RNLS: variants seen among roughly 807,000 people sequenced by gnomAD.
RNLS encodes renalase.
Under a neutral mutation model 39.8 loss-of-function variants are expected in RNLS, and 39 were observed. The observed-to-expected ratio is 0.98, with a 90% CI of 0.76 to 1.28. The LOEUF is 1.28. Ranked by LOEUF, RNLS falls within the 50% of genes most tolerant of loss-of-function variation. The pLI is 0.00. For synonymous variants in RNLS, 147 were observed against 150.7 expected, an observed-to-expected ratio of 0.98 and a Z score of 0.18; for missense variants, 410 against 413.3, an observed-to-expected ratio of 0.99 and a Z score of 0.07.
chr10:88,418,449 T>C (rs1854174303), intron 4 of RNLS, among the ~76,000 whole-genome samples: 1 of 152,202 alleles, frequency 6.6e-6, no homozygotes. Context: ...AAAGATGCAT[T>C]GTTAATCCAT....
chr10:88,498,859 T>A (rs964053056), intron 4 of RNLS, among the ~76,000 whole-genome samples: 1 of 152,106 alleles, frequency 6.6e-6, no homozygotes, highest in Non-Finnish European at 1.5e-5. Flanking sequence ...TCTTTGTAAA[T>A]CTTTTTCGAA....
Position 88,314,653 on chromosome 10 carries a change from G to A in RNLS, c.701-12C>T, listed in dbSNP as rs755039465. 3 of 1,609,130 alleles carry A rather than the reference G, an allele frequency of 1.9e-6. No homozygotes were observed. The highest frequency in any genetic ancestry group is 2.5e-6 in the Non-Finnish European group (3 of 1,177,118). On this transcript the variant is annotated splice_polypyrimidine_tract_variant and intron_variant, in intron 5 of 6. Coordinates refer to ENST00000331772, the MANE Select transcript of RNLS (RefSeq NM_001031709.3). Reference sequence around the variant, plus strand: ...AATTTCTGATGACTCTGTGGCATAAGAGGATCATAAAGATGCATCTTAAAG... The same window carrying A: ...AATTTCTGATGACTCTGTGGCATAAAAGGATCATAAAGATGCATCTTAAAG...
intron 4 of RNLS, among the ~76,000 whole-genome samples, chr10:88,522,351 A>G (rs1846805823): frequency 1.3e-5 from 2 of 152,110 alleles, no homozygotes; most frequent in African/African-American, 4.8e-5. Context: ...AATGACAATA[A>G]TATTGTAGGA....
chr10:88,360,936 A>G (rs1175998961), intron 5 of RNLS, among the ~76,000 whole-genome samples: 7 of 152,212 alleles, frequency 4.6e-5, no homozygotes, highest in Admixed American at 6.5e-5. Context: ...TAGATAATGT[A>G]TTAGTCAACT....
At chr10:88,424,912 C>T (rs1305092803) in intron 4 of RNLS, among the ~76,000 whole-genome samples, 1 of 152,042 alleles carries the variant, frequency 6.6e-6, no homozygotes, top group Non-Finnish European at 1.5e-5. Context: ...CTTTTTTCTT[C>T]ATCTACATTT....
the RNLS span, among the ~76,000 whole-genome samples, chr10:88,220,749 A>G: frequency 6.6e-6 from 1 of 152,164 alleles, no homozygotes; most frequent in Non-Finnish European, 1.5e-5. Flanking sequence ...ATGTTTATTC[A>G]TGACTGGACC....
chr10:88,321,230 C>G (rs1416423948), intron 5 of RNLS, among the ~76,000 whole-genome samples: 3 of 151,948 alleles, frequency 2.0e-5, no homozygotes, highest in Admixed American at 2.0e-4. Flanking sequence ...AATTAAAGCA[C>G]AAATCAAAAT....
intron 4 of RNLS, among the ~76,000 whole-genome samples, chr10:88,524,882 T>G (rs557600353): frequency 4.1e-5 from 6 of 147,830 alleles, no homozygotes; most frequent in African/African-American, 1.5e-4. Flanking sequence ...CAGCTTATTT[T>G]CCCAGTCTGG....
At chr10:88,568,369 T>TA (rs551620720) in intron 4 of RNLS, among the ~76,000 whole-genome samples, 81 of 152,154 alleles carry the variant, frequency 5.3e-4, no homozygotes, top group African/African-American at 1.8e-3. Flanking sequence ...TTTGAGGTGA[T>TA]AAAAAATTCC....
the RNLS span, among the ~76,000 whole-genome samples, chr10:88,191,200 T>C: frequency 3.4e-4 from 52 of 152,306 alleles, no homozygotes; most frequent in Non-Finnish European, 5.6e-4. Context: ...GGCTCATCTG[T>C]TACCTTCCAT....
intron 4 of RNLS, among the ~76,000 whole-genome samples, chr10:88,452,798 G>A (rs991220712): frequency 5.9e-5 from 9 of 152,116 alleles, no homozygotes; most frequent in East Asian, 1.9e-4. Flanking sequence ...GCACAGGTTC[G>A]GCTGCTGCTA....
chr10:88,576,683 C>T (rs1329715353), intron 3 of RNLS, among the ~76,000 whole-genome samples: 2 of 152,132 alleles, frequency 1.3e-5, no homozygotes, highest in South Asian at 2.1e-4. Context: ...CAGAACCACC[C>T]AGACTCACTT....
At chr10:88,240,835 C>A in the RNLS span, among the ~76,000 whole-genome samples, 3 of 151,926 alleles carry the variant, frequency 2.0e-5, no homozygotes, top group African/African-American at 7.3e-5. Context: ...CAAAGCTTAT[C>A]TTTATCCAAA....
chr10:88,220,926 G>C, the RNLS span, among the ~76,000 whole-genome samples: 1 of 152,200 alleles, frequency 6.6e-6, no homozygotes, highest in Non-Finnish European at 1.5e-5. Flanking sequence ...CCTGTGTTGG[G>C]ATTCTGCAGC....
intron 4 of RNLS, among the ~76,000 whole-genome samples, chr10:88,460,277 T>A (rs1226782391): frequency 2.6e-5 from 4 of 152,170 alleles, no homozygotes; most frequent in African/African-American, 9.7e-5. Context: ...TTTTCTTGCT[T>A]GTTAAATGAA....
chr10:88,392,328 A>G (rs1067839), intron 4 of RNLS, among the ~76,000 whole-genome samples: 106,470 of 152,132 alleles, frequency 0.7, 38,137 homozygotes, highest in African/African-American at 0.86. Context: ...GGATGTGAGC[A>G]TACTCAGTGC....
At chr10:88,578,390 G>C (rs892521454) in intron 3 of RNLS, among the ~76,000 whole-genome samples, 1 of 152,076 alleles carries the variant, frequency 6.6e-6, no homozygotes, top group Non-Finnish European at 1.5e-5. Flanking sequence ...TTAGCTTATA[G>C]TGTGGAAAAA....
At chr10:88,517,867 G>C (rs1414648655) in intron 4 of RNLS, among the ~76,000 whole-genome samples, 2 of 151,828 alleles carry the variant, frequency 1.3e-5, no homozygotes, top group African/African-American at 4.8e-5. Flanking sequence ...AAGGAACACT[G>C]AATTTTACAC....
At chr10:88,227,926 C>T in the RNLS span, among the ~76,000 whole-genome samples, 12 of 152,206 alleles carry the variant, frequency 7.9e-5, no homozygotes, top group Non-Finnish European at 1.5e-4. Context: ...AAGTCTAGTA[C>T]GTGGACTAAG....
Sources: gnomAD v4.1 joint callset for allele counts (sites outside exome capture counted in the v4.1 genomes callset) on GRCh38, gnomAD v4.1.1 for gene constraint, MANE v1.5 for transcripts, NCBI Gene and HGNC (gene_info 2026-07-23, HGNC 2026-07-21) for gene names.